PALM2AKAP2: variants seen among roughly 807,000 people sequenced by gnomAD.
The protein encoded by PALM2AKAP2 is PALM2-AKAP2 fusion protein.
Under a neutral mutation model 71.5 loss-of-function variants are expected in PALM2AKAP2, and 37 were observed. The ratio of observed to expected loss-of-function variants is 0.52; its 90% confidence interval spans 0.40 to 0.68. The LOEUF (loss-of-function observed/expected upper bound fraction) is 0.68, where lower values mean the gene tolerates loss of function less well. Ranked by LOEUF, PALM2AKAP2 falls within the 30% of genes least tolerant of loss-of-function variation. The pLI, the probability that PALM2AKAP2 is intolerant of heterozygous loss-of-function variation, is 0.00. For synonymous variants in PALM2AKAP2, 468 were observed against 478.8 expected, an observed-to-expected ratio of 0.98 and a Z score of 0.29; for missense variants, 1,224 against 1,191.8, an observed-to-expected ratio of 1.03 and a Z score of -0.40.
chr9:109,748,254 C>G (rs1828832941), intron 1 of PALM2AKAP2, among the ~76,000 whole-genome samples: 1 of 151,972 alleles, frequency 6.6e-6, no homozygotes, highest in Non-Finnish European at 1.5e-5. Context: ...ATGCAAATAC[C>G]CCCTATACTC....
intron 1 of PALM2AKAP2, among the ~76,000 whole-genome samples, chr9:109,642,436 A>G (rs13291066): frequency 6.7e-6 from 1 of 148,698 alleles, no homozygotes; most frequent in African/African-American, 2.5e-5. Context: ...ATCTATTATT[A>G]TTAGGTTGGT....
intron 1 of PALM2AKAP2, among the ~76,000 whole-genome samples, chr9:110,076,649 T>C (rs1445199168): frequency 6.6e-6 from 1 of 151,964 alleles, no homozygotes; most frequent in Non-Finnish European, 1.5e-5. Context: ...TCCTATGTTA[T>C]TATTTTTCAG....
chr9:109,698,610 A>G (rs1828008328), intron 1 of PALM2AKAP2, among the ~76,000 whole-genome samples: 1 of 152,164 alleles, frequency 6.6e-6, no homozygotes, highest in Non-Finnish European at 1.5e-5. Flanking sequence ...GGCAACACAC[A>G]TCCAAAATGC....
At chr9:109,798,914 C>T (rs763411540) in intron 1 of PALM2AKAP2, among the ~76,000 whole-genome samples, 1 of 152,248 alleles carries the variant, frequency 6.6e-6, no homozygotes, top group Non-Finnish European at 1.5e-5. Flanking sequence ...ATCCATGTCT[C>T]TATGTCAGCT....
intron 1 of PALM2AKAP2, among the ~76,000 whole-genome samples, chr9:109,642,139 G>T (rs1827079139): frequency 6.6e-6 from 1 of 152,192 alleles, no homozygotes; most frequent in Admixed American, 6.5e-5. Context: ...TTTGTAAATT[G>T]TAAGATATGT....
chr9:110,050,256 C>T (rs917476210), intron 1 of PALM2AKAP2, among the ~76,000 whole-genome samples: 4 of 152,214 alleles, frequency 2.6e-5, no homozygotes, highest in Admixed American at 1.3e-4. Flanking sequence ...TATCCCAACT[C>T]CCGTTTCACA....
intron 1 of PALM2AKAP2, among the ~76,000 whole-genome samples, chr9:110,051,471 A>C (rs906920820): frequency 2.6e-5 from 4 of 152,238 alleles, no homozygotes; most frequent in Non-Finnish European, 5.9e-5. Flanking sequence ...ACAATAATCC[A>C]AACAATAACC....
intron 2 of PALM2AKAP2, among the ~76,000 whole-genome samples, chr9:109,868,031 A>G (rs753607786): frequency 6.6e-6 from 1 of 152,170 alleles, no homozygotes; most frequent in Non-Finnish European, 1.5e-5. Context: ...AAACGATGTG[A>G]TCTGATAAAA....
chr9:110,140,338 C>T (rs1435963938), intron 2 of PALM2AKAP2, among the ~76,000 whole-genome samples: 2 of 152,212 alleles, frequency 1.3e-5, no homozygotes, highest in Non-Finnish European at 2.9e-5. Flanking sequence ...TTTCTGGCAT[C>T]GCAAGATATT....
intron 6 of PALM2AKAP2, among the ~76,000 whole-genome samples, chr9:110,012,890 AC>A (rs1297771218): frequency 6.6e-6 from 1 of 152,228 alleles, no homozygotes; most frequent in East Asian, 1.9e-4. Context: ...TGTGAATGAA[AC>A]TTTTATATGC....
intron 1 of PALM2AKAP2, among the ~76,000 whole-genome samples, chr9:109,822,313 ATCCATCTCTCTT>A (rs1828032529): frequency 1.3e-5 from 2 of 151,546 alleles, no homozygotes; most frequent in Non-Finnish European, 2.9e-5. Context: ...CCATCTATCC[ATCCATCTCTCTT>A]TCCTTCTCTC....
At chr9:110,038,604 C>T (rs974209424) in intron 7 of PALM2AKAP2, among the ~76,000 whole-genome samples, 1 of 151,736 alleles carries the variant, frequency 6.6e-6, no homozygotes, top group Non-Finnish European at 1.5e-5. Context: ...TGAGGGGAAA[C>T]AGGGAATTGA....
chr9:109,710,817 G>A (rs1828222979), intron 1 of PALM2AKAP2, among the ~76,000 whole-genome samples: 1 of 152,154 alleles, frequency 6.6e-6, no homozygotes, highest in Non-Finnish European at 1.5e-5. Context: ...TCTTGAAATT[G>A]CAGCCAATGG....
At chr9:110,006,528 TTTTG>T (rs1832789726) in intron 6 of PALM2AKAP2, among the ~76,000 whole-genome samples, 1 of 151,640 alleles carries the variant, frequency 6.6e-6, no homozygotes, top group Non-Finnish European at 1.5e-5. Context: ...GCTCAGCTAA[TTTTG>T]TTTGTTTGTT....
chr9:109,961,050 T>C (rs1228516740), intron 6 of PALM2AKAP2, among the ~76,000 whole-genome samples: 1 of 152,250 alleles, frequency 6.6e-6, no homozygotes, highest in Admixed American at 6.5e-5. Context: ...GGTTGCATAC[T>C]GCACAATCCT....
chr9:110,084,799 G>T (rs1370367966), intron 1 of PALM2AKAP2, among the ~76,000 whole-genome samples: 2 of 151,848 alleles, frequency 1.3e-5, no homozygotes. Context: ...ACAGTGGCAC[G>T]ATCTCGGCTC....
intron 1 of PALM2AKAP2, among the ~76,000 whole-genome samples, chr9:109,746,786 C>T (rs1013868184): frequency 2.0e-5 from 3 of 152,146 alleles, no homozygotes; most frequent in Non-Finnish European, 4.4e-5. Context: ...GAAACTAAGG[C>T]ACAGGGAGAC....
At chr9:109,814,770 A>G (rs1417103481) in intron 1 of PALM2AKAP2, among the ~76,000 whole-genome samples, 3 of 152,242 alleles carry the variant, frequency 2.0e-5, no homozygotes, top group African/African-American at 7.2e-5. Flanking sequence ...TCTATCAACC[A>G]TTAAGCTATA....
At chr9:109,841,928 AGAGGGGAGGGTGGAAG>A (rs1378931907) in intron 1 of PALM2AKAP2, among the ~76,000 whole-genome samples, 2 of 90,452 alleles carry the variant, frequency 2.2e-5, no homozygotes, top group Non-Finnish European at 4.4e-5. Context: ...GTGGAAGGGT[AGAGGGGAGGGTGGAAG>A]GAAAGAGGGG....
Sources: allele counts gnomAD v4.1 joint callset (sites outside exome capture counted in the v4.1 genomes callset), GRCh38; gene constraint gnomAD v4.1.1; transcripts MANE v1.5; gene names NCBI Gene and HGNC (gene_info 2026-07-23, HGNC 2026-07-21).